AVL9: variants seen among roughly 807,000 people sequenced by gnomAD.
The protein encoded by AVL9 is AVL9 cell migration associated, also known as late secretory pathway protein AVL9 homolog.
In AVL9, 49 loss-of-function variants were observed where a neutral mutation model predicts 79.2. The ratio of observed to expected loss-of-function variants is 0.62; its 90% CI spans 0.49 to 0.79. The LOEUF (loss-of-function observed/expected upper bound fraction) is 0.79, where lower values mean the gene tolerates loss of function less well. Among genes scored for constraint, AVL9 ranks in the 30% least tolerant of loss-of-function variants. The pLI is 0.00. For missense variants in AVL9, 682 were observed against 776.8 expected, an observed-to-expected ratio of 0.88 and a Z score of 1.45; for synonymous variants, 299 against 280.6, an observed-to-expected ratio of 1.07 and a Z score of -0.65.
At chr7:32,567,491 T>G (rs1193957928) in intron 10 of AVL9, among the ~76,000 whole-genome samples, 1 of 152,142 alleles carries the variant, frequency 6.6e-6, no homozygotes, top group Non-Finnish European at 1.5e-5. Flanking sequence ...ATTTGAAAGA[T>G]TTCAAAGCAT....
chr7:32,544,612 G>A, intron 2 of AVL9, 82 bp from the exon 3 acceptor site: 1 of 907,372 alleles, frequency 1.1e-6, no homozygotes, highest in Non-Finnish European at 1.7e-6. Flanking sequence ...GTTAATGACT[G>A]CATTATGATA....
intron 1 of AVL9, chr7:32,537,536 C>T (rs1297086937): frequency 1.4e-5 from 2 of 144,240 alleles, no homozygotes; most frequent in African/African-American, 5.1e-5. Flanking sequence ...CATCTCGGCT[C>T]ACTGCAACCA....
intron 1 of AVL9, among the ~76,000 whole-genome samples, chr7:32,525,747 A>G (rs927809519): frequency 6.6e-6 from 1 of 152,180 alleles, no homozygotes; most frequent in Non-Finnish European, 1.5e-5. Context: ...TTTATTGTCA[A>G]AATATTAATG....
At chr7:32,550,343 A>G (rs1407443189) in intron 4 of AVL9, among the ~76,000 whole-genome samples, 3 of 152,160 alleles carry the variant, frequency 2.0e-5, no homozygotes, top group Admixed American at 2.0e-4. Context: ...TCTCACAGAC[A>G]TGTAACTACT....
At chr7:32,543,873 G>A (rs930766590) in intron 2 of AVL9, among the ~76,000 whole-genome samples, 1 of 148,280 alleles carries the variant, frequency 6.7e-6, no homozygotes, top group African/African-American at 2.5e-5. Flanking sequence ...AAATGTTTTT[G>A]TTGTTACTGT....
chr7:32,562,674 C>A, intron 10 of AVL9: 1 of 953,382 alleles, frequency 1.0e-6, no homozygotes, highest in Non-Finnish European at 1.2e-6. Flanking sequence ...AATCCCAGCA[C>A]TTTGGGAGGC....
chr7:32,565,680 A>T (rs1790531672), intron 10 of AVL9, among the ~76,000 whole-genome samples: 1 of 152,118 alleles, frequency 6.6e-6, no homozygotes, highest in African/African-American at 2.4e-5. Flanking sequence ...CCTGAGCAAC[A>T]TAGTGAGACC....
intron 1 of AVL9, among the ~76,000 whole-genome samples, chr7:32,515,126 T>A (rs1185993946): frequency 6.6e-6 from 1 of 152,230 alleles, no homozygotes; most frequent in Non-Finnish European, 1.5e-5. Flanking sequence ...CCATAAAATG[T>A]ATAAAAGCAA....
intron 3 of AVL9, among the ~76,000 whole-genome samples, chr7:32,547,485 C>G (rs746461645): frequency 6.6e-6 from 1 of 152,172 alleles, no homozygotes. Context: ...ACCCGTATGT[C>G]ATGTAAGCAC....
intron 1 of AVL9, among the ~76,000 whole-genome samples, chr7:32,504,160 G>A (rs998188124): frequency 3.3e-5 from 5 of 152,160 alleles, no homozygotes; most frequent in African/African-American, 1.2e-4. Flanking sequence ...ATGAATTGAT[G>A]TATAAAAGAT....
intron 10 of AVL9, among the ~76,000 whole-genome samples, chr7:32,560,694 G>C (rs188977996): frequency 6.6e-6 from 1 of 152,266 alleles, no homozygotes; most frequent in East Asian, 1.9e-4. Flanking sequence ...ATGGCATCTA[G>C]AGTAATGAAT....
Position 32,573,329 on chromosome 7 carries a change from A to G in AVL9, c.1481A>G (p.Asp494Gly), listed in dbSNP as rs1262229251. The G allele has an allele frequency of 1.2e-6, 2 of 1,613,754 alleles. No individual in the cohort carries two copies. Among genetic ancestry groups the G allele is most frequent in the Non-Finnish European group, 1.7e-6 (2 of 1,179,974 alleles). ...VTENRDDVFL[D>G]GTGWEGGDEW... ...GAGAATCGGGATGACGTCTTCCTAG[A>G]TGGCACGGGCTGGGAGGGAGGTGAC... The change falls in exon 12 of 16, where the codon GAT becomes GGT. Residue 494 changes from aspartate to glycine, a missense_variant. Coordinates refer to ENST00000318709, the MANE Select transcript of AVL9 (RefSeq NM_015060.3).
chr7:32,513,474 A>G (rs1787771690), intron 1 of AVL9, among the ~76,000 whole-genome samples: 1 of 152,238 alleles, frequency 6.6e-6, no homozygotes, highest in Non-Finnish European at 1.5e-5. Flanking sequence ...TCTTTTCTAT[A>G]GATAAAAACT....
At chr7:32,571,150 T>A (rs1199220837) in intron 11 of AVL9, among the ~76,000 whole-genome samples, 7 of 147,644 alleles carry the variant, frequency 4.7e-5, no homozygotes, top group Non-Finnish European at 1.0e-4. Flanking sequence ...GAGAATCACT[T>A]GAACCTTGGA....
intron 2 of AVL9, among the ~76,000 whole-genome samples, chr7:32,544,358 A>C (rs922391970): frequency 5.3e-5 from 8 of 152,156 alleles, no homozygotes; most frequent in Admixed American, 4.6e-4. Context: ...TCTTGTATTC[A>C]TTCAAGGTTC....
intron 10 of AVL9, chr7:32,562,825 G>A (rs1007445585): frequency 1.9e-5 from 3 of 155,088 alleles, no homozygotes; most frequent in Admixed American, 1.3e-4. Context: ...GGGAGGCTGA[G>A]GCAAGAGGAT....
chr7:32,497,929 G>A (rs1786930129), intron 1 of AVL9, among the ~76,000 whole-genome samples: 1 of 152,190 alleles, frequency 6.6e-6, no homozygotes, highest in South Asian at 2.1e-4. Context: ...GGGATTACAG[G>A]CGTGAGCCAC....
At chr7:32,574,445 G>A (rs995968920) in intron 12 of AVL9, among the ~76,000 whole-genome samples, 3 of 152,136 alleles carry the variant, frequency 2.0e-5, no homozygotes, top group East Asian at 1.9e-4. Flanking sequence ...CAAATCATTT[G>A]GTAATCTAGA....
chr7:32,570,851 C>T (rs1790805845), intron 11 of AVL9, among the ~76,000 whole-genome samples: 1 of 147,070 alleles, frequency 6.8e-6, no homozygotes, highest in East Asian at 2.1e-4. Context: ...GAACTCCTGA[C>T]CTCAGGTGAT....
Sources: gnomAD v4.1 joint callset for allele counts (sites outside exome capture counted in the v4.1 genomes callset) on GRCh38, gnomAD v4.1.1 for gene constraint, MANE v1.5 for transcripts, NCBI Gene and HGNC (gene_info 2026-07-23, HGNC 2026-07-21) for gene names.